TET2: variants seen among roughly 807,000 people sequenced by gnomAD.
TET2 encodes the protein methylcytosine dioxygenase TET2.
A neutral mutation model predicts 142.9 loss-of-function variants in TET2; 299 were observed. The observed-to-expected ratio is 2.09, with a 90% CI of 1.90 to 2.30. The LOEUF is 2.30. TET2 is among the 30% of genes most tolerant of loss of function. The pLI is 0.00. For missense variants in TET2, 2,418 were observed against 2,378.0 expected, an observed-to-expected ratio of 1.02 and a Z score of -0.35; for synonymous variants, 819 against 849.0, an observed-to-expected ratio of 0.96 and a Z score of 0.61.
intron 1 of TET2, among the ~76,000 whole-genome samples, chr4:105,165,034 A>G (rs917352100): frequency 1.3e-5 from 2 of 152,148 alleles, no homozygotes; most frequent in South Asian, 2.1e-4. Flanking sequence ...TCTATTTTGT[A>G]TCATATTTTC....
intron 1 of TET2, among the ~76,000 whole-genome samples, chr4:105,152,468 A>G (rs988616869): frequency 5.9e-5 from 9 of 151,944 alleles, no homozygotes; most frequent in Non-Finnish European, 1.3e-4. Context: ...TCTATTCCCT[A>G]ATAGAACCTA....
intron 7 of TET2, among the ~76,000 whole-genome samples, chr4:105,261,136 A>G (rs1426053860): frequency 1.3e-5 from 2 of 152,040 alleles, no homozygotes; most frequent in Admixed American, 1.3e-4. Context: ...GCAGCTAAAT[A>G]TGATCACCTA....
At chr4:105,225,913 T>C (rs1177729776) in intron 2 of TET2, among the ~76,000 whole-genome samples, 2 of 152,126 alleles carry the variant, frequency 1.3e-5, no homozygotes, top group African/African-American at 4.8e-5. Context: ...AAAGAAGGGA[T>C]CAGAATAACT....
At chr4:105,216,122 T>G (rs953941031) in intron 2 of TET2, among the ~76,000 whole-genome samples, 1 of 152,192 alleles carries the variant, frequency 6.6e-6, no homozygotes, top group African/African-American at 2.4e-5. Context: ...AACATTTCCA[T>G]GCTGTGAATA....
At chr4:105,239,078 T>TTTTG (rs1553914868) in intron 3 of TET2, 52 of 233,188 alleles carry the variant, frequency 2.2e-4, no homozygotes, top group Non-Finnish European at 1.2e-4. Context: ...TTTTTTGTTT[T>TTTTG]TTTTTTTTGT....
chr4:105,164,059 A>G (rs1159695322), intron 1 of TET2, among the ~76,000 whole-genome samples: 11 of 152,190 alleles, frequency 7.2e-5, no homozygotes, highest in Non-Finnish European at 1.5e-4. Context: ...AGAACACTTA[A>G]GAGCTACTCA....
chr4:105,160,612 G>A (rs1288633856), intron 1 of TET2, among the ~76,000 whole-genome samples: 1 of 152,182 alleles, frequency 6.6e-6, no homozygotes, highest in Non-Finnish European at 1.5e-5. Flanking sequence ...TTCTTTCATA[G>A]ACTGTGTTTT....
chr4:105,232,068 CTT>C (rs1011478179), intron 2 of TET2, among the ~76,000 whole-genome samples: 5 of 152,124 alleles, frequency 3.3e-5, no homozygotes, highest in African/African-American at 1.2e-4. Flanking sequence ...TGTTCCCCCT[CTT>C]TGTGTCCATG....
At chr4:105,228,721 C>CT (rs1229496693) in intron 2 of TET2, among the ~76,000 whole-genome samples, 1 of 151,926 alleles carries the variant, frequency 6.6e-6, no homozygotes, top group Non-Finnish European at 1.5e-5. Flanking sequence ...AGAAAAGTGC[C>CT]TTTTTTTGGT....
At chr4:105,163,846 AGAGAGAGAGTGTGT>A (rs978050304) in intron 1 of TET2, among the ~76,000 whole-genome samples, 3 of 116,036 alleles carry the variant, frequency 2.6e-5, no homozygotes, top group East Asian at 2.2e-4. Flanking sequence ...AGAGAGAGAG[AGAGAGAGAGTGTGT>A]GTGTGTGTGT....
intron 2 of TET2, among the ~76,000 whole-genome samples, chr4:105,222,739 T>C (rs889685723): frequency 6.6e-6 from 1 of 152,054 alleles, no homozygotes. Flanking sequence ...ATTTGTCAAT[T>C]TTGGCTTTTG....
intron 10 of TET2, among the ~76,000 whole-genome samples, 155 bp downstream of exon 10, chr4:105,273,073 T>C (rs1731043590): frequency 6.6e-6 from 1 of 152,170 alleles, no homozygotes; most frequent in African/African-American, 2.4e-5. Context: ...CCATGGTGAT[T>C]TGCTGCACAG....
chr4:105,234,456 A>C lies in TET2; in HGVS notation c.514A>C (p.Ser172Arg). ...CACCAGTTTTTCAACACATAACTGC[A>C]GTGGGCCTGAAAATCCAGAGCTTCA... ...DFTSFSTHNC[S>R]GPENPELQIL... The change falls in exon 3 of 11, where the codon AGT (serine) becomes CGT (arginine). Residue 172 changes from serine to arginine, a missense_variant. By Grantham distance (110) the Ser-to-Arg change is moderately radical. Coordinates refer to ENST00000380013, the MANE Select transcript of TET2 (RefSeq NM_001127208.3). The C allele has an allele frequency of 6.2e-7, 1 of 1,614,032 alleles. No homozygotes were observed. The highest frequency in any genetic ancestry group is 1.1e-5 in the South Asian group (1 of 91,070).
chr4:105,164,449 T>A (rs1263343015), intron 1 of TET2, among the ~76,000 whole-genome samples: 1 of 152,178 alleles, frequency 6.6e-6, no homozygotes, highest in Non-Finnish European at 1.5e-5. Context: ...GTAACATAAA[T>A]AAAACATCCA....
intron 1 of TET2, among the ~76,000 whole-genome samples, chr4:105,183,034 T>A (rs1207782767): frequency 6.6e-6 from 1 of 152,120 alleles, no homozygotes; most frequent in African/African-American, 2.4e-5. Context: ...CCCCCCAAAA[T>A]ACGAAAAATA....
chr4:105,176,193 C>T (rs996597660), intron 1 of TET2, among the ~76,000 whole-genome samples: 3 of 152,136 alleles, frequency 2.0e-5, no homozygotes, highest in African/African-American at 4.8e-5. Context: ...TTACATCATA[C>T]TTAATTTTTA....
At chr4:105,207,841 T>C in intron 2 of TET2, among the ~76,000 whole-genome samples, 1 of 152,158 alleles carries the variant, frequency 6.6e-6, no homozygotes. Context: ...TAGGTTATTT[T>C]TTAAAAGGGA....
At chr4:105,158,373 G>A (rs1045859802) in intron 1 of TET2, among the ~76,000 whole-genome samples, 13 of 152,076 alleles carry the variant, frequency 8.5e-5, no homozygotes, top group Admixed American at 2.0e-4. Flanking sequence ...AAGAATTCAG[G>A]TGTTTAAGGA....
chr4:105,226,526 G>A (rs1021388082), intron 2 of TET2, among the ~76,000 whole-genome samples: 16 of 152,040 alleles, frequency 1.1e-4, no homozygotes, highest in African/African-American at 3.9e-4. Flanking sequence ...TCATGGCATG[G>A]TGCTGTCCTC....
Sources: allele counts gnomAD v4.1 joint callset (sites outside exome capture counted in the v4.1 genomes callset), GRCh38; gene constraint gnomAD v4.1.1; transcripts MANE v1.5; gene names NCBI Gene and HGNC (gene_info 2026-07-23, HGNC 2026-07-21).